Variants in KCNH7 observed in about 807,000 individuals in gnomAD.
KCNH7 encodes voltage-gated inwardly rectifying potassium channel KCNH7.
KCNH7 carries 49 observed loss-of-function variants against 120.8 expected under a neutral mutation model. The ratio of observed to expected loss-of-function variants is 0.41; its 90% confidence interval spans 0.32 to 0.51. The LOEUF (loss-of-function observed/expected upper bound fraction) is 0.51, where lower values mean the gene tolerates loss of function less well. KCNH7 is among the 20% of genes least tolerant of loss of function. The pLI is 0.38. For missense variants in KCNH7, 1,097 were observed against 1,446.6 expected (o/e 0.76, Z 3.92); for synonymous variants, 547 against 516.1 (o/e 1.06, Z -0.81).
At chr2:162,661,598 A>T (rs1170458765) in intron 2 of KCNH7, among the ~76,000 whole-genome samples, 1 of 152,150 alleles carries the variant, frequency 6.6e-6, no homozygotes, top group Non-Finnish European at 1.5e-5. Flanking sequence ...TCAGTTGTTG[A>T]TATCGTTGAT....
chr2:162,770,854 C>T (rs1003870172), intron 2 of KCNH7, among the ~76,000 whole-genome samples: 1 of 152,096 alleles, frequency 6.6e-6, no homozygotes. Flanking sequence ...TTGCACTGGA[C>T]CCAGATCTGA....
intron 2 of KCNH7, among the ~76,000 whole-genome samples, chr2:162,657,707 G>A (rs1451528437): frequency 6.6e-6 from 1 of 152,148 alleles, no homozygotes; most frequent in Non-Finnish European, 1.5e-5. Context: ...ACCAAAATGT[G>A]TGATTGCTGG....
chr2:162,771,978 C>T lies in KCNH7; in HGVS notation c.307+64559G>A, dbSNP rs546188274. The T allele has an allele frequency of 3.3e-5, 5 of 152,264 alleles. 1 individual carries two copies. The highest frequency in any genetic ancestry group is 1.2e-4 in the African/African-American group (5 of 41,558). 9.4% of individuals were successfully genotyped at this position (152,264 alleles called of 1,614,324 possible). ...GTATTTATCTGAGGGCGATTGAAGTCACCAGCTTAACAGGTAAGCCTACAG... is the reference window on the plus strand; with the variant it reads ...GTATTTATCTGAGGGCGATTGAAGTTACCAGCTTAACAGGTAAGCCTACAG... On this transcript the variant is annotated intron_variant, in intron 2 of 15. Transcript: ENST00000332142.
chr2:162,778,445 A>C lies in KCNH7; in HGVS notation c.307+58092T>G, dbSNP rs140192347. On this transcript the variant is annotated intron_variant, in intron 2 of 15. Transcript: ENST00000332142. ...TAAACTGTCAAGTAATGCAATCTAT[A>C]AACAGCGTCTTGGGTTACCAGACAA... 5.5e-3 allele frequency among the ~76,000 whole-genome samples: 830 copies of C among 152,292 alleles called. 1 individual carries two copies. The highest frequency in any genetic ancestry group is 0.013 in the South Asian group (64 of 4,826).
chr2:162,678,571 A>G (rs1317107706), intron 2 of KCNH7, among the ~76,000 whole-genome samples: 1 of 151,540 alleles, frequency 6.6e-6, no homozygotes, highest in East Asian at 1.9e-4. Flanking sequence ...CCTAAGAATT[A>G]TGGCTTCACT....
At chr2:162,699,137 A>G (rs1686400933) in intron 2 of KCNH7, among the ~76,000 whole-genome samples, 2 of 152,038 alleles carry the variant, frequency 1.3e-5, no homozygotes, top group Admixed American at 6.6e-5. Context: ...ATTGTTATGA[A>G]CTCCAGTCAC....
intron 7 of KCNH7, among the ~76,000 whole-genome samples, chr2:162,439,956 T>C (rs1688369252): frequency 6.6e-6 from 1 of 151,808 alleles, no homozygotes; most frequent in Admixed American, 6.6e-5. Flanking sequence ...AGATTCTCTC[T>C]TCATGCCAGT....
chr2:162,719,993 G>A (rs529616945), intron 2 of KCNH7, among the ~76,000 whole-genome samples: 1 of 151,988 alleles, frequency 6.6e-6, no homozygotes, highest in Non-Finnish European at 1.5e-5. Flanking sequence ...CTGAGTTTCT[G>A]TTATTTTTGC....
chr2:162,425,636 A>G (rs1011516030), intron 8 of KCNH7, among the ~76,000 whole-genome samples: 2 of 152,208 alleles, frequency 1.3e-5, no homozygotes, highest in African/African-American at 4.8e-5. Flanking sequence ...CTCAGGAAGT[A>G]GATTCAGTCA....
intron 2 of KCNH7, among the ~76,000 whole-genome samples, chr2:162,800,447 T>C (rs538330140): frequency 1.3e-4 from 20 of 151,766 alleles, no homozygotes; most frequent in African/African-American, 4.6e-4. Context: ...CTATGGTAAT[T>C]TTTCTGTTTT....
intron 2 of KCNH7, among the ~76,000 whole-genome samples, chr2:162,752,264 C>T (rs1391178245): frequency 1.3e-5 from 2 of 152,076 alleles, no homozygotes; most frequent in Non-Finnish European, 2.9e-5. Flanking sequence ...AAATTTTTAG[C>T]TCAAGGACAT....
intron 2 of KCNH7, among the ~76,000 whole-genome samples, chr2:162,766,262 A>C (rs1262020129): frequency 1.3e-5 from 2 of 152,182 alleles, no homozygotes; most frequent in Non-Finnish European, 2.9e-5. Context: ...CAATTTCAGC[A>C]CTAGTCAGCG....
chr2:162,617,436 G>A (rs568256925), intron 2 of KCNH7, among the ~76,000 whole-genome samples: 6 of 152,046 alleles, frequency 3.9e-5, no homozygotes, highest in Admixed American at 2.6e-4. Context: ...CTGAGATTGC[G>A]CCACTGCACT....
intron 2 of KCNH7, chr2:162,796,965 A>G (rs553592591): frequency 6.6e-6 from 1 of 152,162 alleles, no homozygotes; most frequent in South Asian, 2.1e-4. Context: ...TCCATTTGTA[A>G]AGCTCTGAAA....
chr2:162,396,938 A>G lies in KCNH7; in HGVS notation c.2415T>C (p.Asn805=). 6.2e-7 allele frequency: 1 copy of G among 1,601,338 alleles called. No homozygotes were observed. Among genetic ancestry groups the G allele is most frequent in the African/African-American group, 1.3e-5 (1 of 74,536 alleles). The change falls in exon 11 of 16, where the codon AAT becomes AAC. Residue 805 remains asparagine (N), a synonymous_variant. Transcript: ENST00000332142. ...DDIVVAILGK[N]DIFGEMVHLY... ...GATGAACCATTTCTCCAAATATATC[A>G]TTTTTTCCTAAGAAAATATAAAGAA...
intron 7 of KCNH7, among the ~76,000 whole-genome samples, chr2:162,443,500 G>A (rs372975714): frequency 5.6e-4 from 85 of 152,266 alleles, no homozygotes; most frequent in African/African-American, 1.8e-3. Context: ...AACAAAAAAT[G>A]TTTGCACCAC....
intron 2 of KCNH7, among the ~76,000 whole-genome samples, chr2:162,708,584 C>A (rs1460671160): frequency 6.6e-6 from 1 of 151,866 alleles, no homozygotes; most frequent in Non-Finnish European, 1.5e-5. Context: ...TTCTCTAAGG[C>A]CATTTTCTAA....
intron 2 of KCNH7, among the ~76,000 whole-genome samples, chr2:162,673,596 C>T (rs1685434212): frequency 6.6e-6 from 1 of 152,034 alleles, no homozygotes; most frequent in Non-Finnish European, 1.5e-5. Flanking sequence ...TTGCTTTCTG[C>T]CATGGGAATA....
chr2:162,514,846 AAT>A (rs1379381298), intron 4 of KCNH7, among the ~76,000 whole-genome samples: 2 of 151,774 alleles, frequency 1.3e-5, no homozygotes, highest in African/African-American at 4.8e-5. Flanking sequence ...ATTATTCATT[AAT>A]ATATCTGCAA....
Sources: gnomAD v4.1 joint callset for allele counts (sites outside exome capture counted in the v4.1 genomes callset) on GRCh38, gnomAD v4.1.1 for gene constraint, MANE v1.5 for transcripts, NCBI Gene and HGNC (gene_info 2026-07-23, HGNC 2026-07-21) for gene names.